Variants in CNOT7 observed in about 807,000 individuals in gnomAD.
The protein encoded by CNOT7 is BTG1-binding factor 1.
A neutral mutation model predicts 37.1 loss-of-function variants in CNOT7; 4 were observed. The ratio of observed to expected loss-of-function variants is 0.11; its 90% CI spans 0.05 to 0.25. The LOEUF is 0.25. Among genes scored for constraint, CNOT7 ranks in the 10% least tolerant of loss-of-function variants. The pLI, the probability that CNOT7 is intolerant of heterozygous loss-of-function variation, is 1.00. For missense variants in CNOT7, 170 were observed against 336.2 expected, an observed-to-expected ratio of 0.51 and a Z score of 3.87; for synonymous variants, 128 against 115.6, an observed-to-expected ratio of 1.11 and a Z score of -0.69.
rs1384001865 is a variant in CNOT7, at chr8:17,227,455, C to G, written c.*3265G>C. 6.6e-6 allele frequency: 1 copy of G among 151,856 alleles called. No homozygotes were observed. The highest frequency in any genetic ancestry group is 1.5e-5 in the Non-Finnish European group (1 of 67,812). The allele number at this position is 151,856 out of a possible 1,614,324, so 9.4% of individuals were successfully genotyped here. A position where few individuals can be genotyped will look rare whatever the true frequency, so the allele number is the denominator to read the frequency against. On this transcript the variant is annotated 3_prime_UTR_variant, in exon 7 of 7. Transcript: ENST00000361272. ...TCATTCTTCAAACTACTGTTCTCAT[C>G]AAAGGGCTGATGTCTTAATTTTCTC...
At chr8:17,243,744 C>T (rs1184285271) in intron 2 of CNOT7, 1 of 424,740 alleles carries the variant, frequency 2.4e-6, no homozygotes, top group Admixed American at 2.6e-5. Context: ...GATGTTATCA[C>T]TTCTCTATGT....
chr8:17,231,846 T>C (rs1808664822), intron 6 of CNOT7: 2 of 985,818 alleles, frequency 2.0e-6, no homozygotes, highest in Non-Finnish European at 1.2e-6. Context: ...CCTAATATGG[T>C]TTCTGATGCA....
chr8:17,229,627 G>C lies in CNOT7; in HGVS notation c.*1093C>G, dbSNP rs1049703475. On this transcript the variant is annotated 3_prime_UTR_variant, in exon 7 of 7. Coordinates refer to ENST00000361272, the MANE Select transcript of CNOT7 (RefSeq NM_013354.7). ...TTACACTCCTCAGGTAATTTTATCAGCTATATATATATATATGAGAATATA... is the reference window on the plus strand; with the variant it reads ...TTACACTCCTCAGGTAATTTTATCACCTATATATATATATATGAGAATATA... 1 of 150,706 alleles carries C rather than the reference G, an allele frequency of 6.6e-6. No individual in the cohort carries two copies. The highest frequency in any genetic ancestry group is 2.4e-5 in the African/African-American group (1 of 40,878). 9.3% of individuals were successfully genotyped at this position (150,706 alleles called of 1,614,324 possible).
chr8:17,235,513 A>T (rs1445685356), intron 4 of CNOT7, among the ~76,000 whole-genome samples: 1 of 152,182 alleles, frequency 6.6e-6, no homozygotes, highest in African/African-American at 2.4e-5. Context: ...TAGTAAAAAA[A>T]TAACTACTCT....
chr8:17,239,535 G>C (rs368984308), intron 3 of CNOT7, among the ~76,000 whole-genome samples: 1 of 152,018 alleles, frequency 6.6e-6, no homozygotes, highest in Non-Finnish European at 1.5e-5. Context: ...TCACTCTGTC[G>C]CCCAGACTGG....
rs1460876462 is a variant in CNOT7 at position 17,228,250 on chromosome 8, AAT to A, written c.*2468_*2469del. On this transcript the variant is annotated 3_prime_UTR_variant, in exon 7 of 7. Transcript: ENST00000361272. ...ACCCTTGCTCTAGTAGATTTAACAG[AAT>A]ATATGAGCCTGTAATTAATTAATGG... is the stretch of plus-strand genomic sequence containing the variant. The A allele has an allele frequency of 6.6e-6, 1 of 151,932 alleles. No individual in the cohort carries two copies. The highest frequency in any genetic ancestry group is 1.5e-5 in the Non-Finnish European group (1 of 67,846). 9.4% of individuals were successfully genotyped at this position (151,932 alleles called of 1,614,324 possible). A position where few individuals can be genotyped will look rare whatever the true frequency, so the allele number is the denominator to read the frequency against.
rs574721548 is a variant in CNOT7, at chr8:17,225,335, T to C, written c.*5385A>G. ...TATGACAATAAAGCAAGAGGGCAGA[T>C]TATATTCATGAATGCTTCTCATATA... On this transcript the variant is annotated 3_prime_UTR_variant, in exon 7 of 7. Transcript: ENST00000361272. The C allele has an allele frequency of 6.6e-6, 1 of 151,806 alleles. No individual in the cohort carries two copies. The highest frequency in any genetic ancestry group is 2.1e-4 in the South Asian group (1 of 4,826). 9.4% of individuals were successfully genotyped at this position (151,806 alleles called of 1,614,324 possible).
intron 4 of CNOT7, 136 bp from the exon 5 acceptor site, chr8:17,234,996 G>C (rs570050680): frequency 3.0e-6 from 2 of 668,484 alleles, no homozygotes; most frequent in East Asian, 5.6e-5. Flanking sequence ...GTGCACACAA[G>C]AACAGAGAAA....
chr8:17,237,236 C>G lies in CNOT7; in HGVS notation c.449G>C (p.Gly150Ala). The G allele has an allele frequency of 6.2e-7, 1 of 1,614,022 alleles. No homozygotes were observed. Among genetic ancestry groups the G allele is most frequent in the Non-Finnish European group, 8.5e-7 (1 of 1,179,982 alleles). The change falls in exon 4 of 7, where the codon GGG becomes GCG. Residue 150 changes from glycine to alanine, a missense_variant. By Grantham distance (60) the Gly-to-Ala change is moderately conservative (BLOSUM62 0). Coordinates refer to ENST00000361272, the MANE Select transcript of CNOT7 (RefSeq NM_013354.7). Reference protein sequence around the residue: ...LMTSGVVLCEGVKWLSFHSGY... With the variant: ...LMTSGVVLCEAVKWLSFHSGY... Reference sequence around the variant, plus strand: ...CCTATGAAATGACAACCATTTGACCCCTTCACAGAGGACCACTCCAGAAGT... The same window carrying G: ...CCTATGAAATGACAACCATTTGACCGCTTCACAGAGGACCACTCCAGAAGT...
chr8:17,242,970 T>C (rs1020400221), intron 3 of CNOT7, 22 bp downstream of exon 3: 2 of 1,537,856 alleles, frequency 1.3e-6, no homozygotes, highest in Non-Finnish European at 8.8e-7. Context: ...AAGTCTGGGT[T>C]ATACAGTTAT....
In CNOT7 at chr8:17,226,693, T is replaced by G. The variant is rs540494118; in HGVS notation, c.*4027A>C. ...TTTGGCAATACAGCGCTGTTTTGAC[T>G]TCTCATAGCACAGAAAGTATATAAA... is the stretch of plus-strand genomic sequence containing the variant. On this transcript the variant is annotated 3_prime_UTR_variant, in exon 7 of 7. Transcript: ENST00000361272. 1.3e-5 allele frequency: 2 copies of G among 151,918 alleles called. No homozygotes were observed. Among genetic ancestry groups the G allele is most frequent in the South Asian group, 4.1e-4 (2 of 4,828 alleles). The allele number at this position is 151,918 out of a possible 1,614,324, so 9.4% of individuals were successfully genotyped here.
intron 3 of CNOT7, among the ~76,000 whole-genome samples, chr8:17,239,145 C>T (rs1281633484): frequency 2.6e-5 from 4 of 152,202 alleles, no homozygotes; most frequent in Non-Finnish European, 4.4e-5. Flanking sequence ...CTTGACCTCC[C>T]GGACTCAAGC....
At chr8:17,235,730 A>G (rs1809264581) in intron 4 of CNOT7, among the ~76,000 whole-genome samples, 1 of 152,176 alleles carries the variant, frequency 6.6e-6, no homozygotes, top group South Asian at 2.1e-4. Flanking sequence ...AGCGCTTAGG[A>G]TTTATAAACT....
chr8:17,239,379 A>G (rs1809825702), intron 3 of CNOT7, among the ~76,000 whole-genome samples: 1 of 151,882 alleles, frequency 6.6e-6, no homozygotes, highest in South Asian at 2.1e-4. Flanking sequence ...GGCACTCTCT[A>G]TCTCCTTCTT....
At position 17,231,480 on chromosome 8, in the gene CNOT7, G is replaced by C. The variant is rs1808596773; in HGVS notation, c.730-632C>G. On this transcript the variant is annotated intron_variant, in intron 6 of 6. Coordinates refer to ENST00000361272, the MANE Select transcript of CNOT7 (RefSeq NM_013354.7). ...ACAAAATATTTACGTGTCATGAATG[G>C]ATAGTCCAAATCACTTCTGAATCAA... 6.9e-5 allele frequency: 67 copies of C among 969,996 alleles called. No homozygotes were observed. In the South Asian group the frequency reaches 2.7e-3, roughly 39 times the overall value. 60.1% of individuals were successfully genotyped at this position (969,996 alleles called of 1,614,324 possible). A position where few individuals can be genotyped will look rare whatever the true frequency, so the allele number is the denominator to read the frequency against.
chr8:17,234,931 C>G (rs1809141910), intron 4 of CNOT7, 71 bp from the exon 5 acceptor site: 5 of 1,406,370 alleles, frequency 3.6e-6, no homozygotes, highest in Non-Finnish European at 4.8e-6. Context: ...AAAAGTTTTT[C>G]TGATTCAAAT....
intron 4 of CNOT7, among the ~76,000 whole-genome samples, chr8:17,235,122 A>AT (rs1809175453): frequency 6.6e-6 from 1 of 152,186 alleles, no homozygotes; most frequent in African/African-American, 2.4e-5. Flanking sequence ...GCCTATGGTC[A>AT]ATAAAATACT....
intron 6 of CNOT7, among the ~76,000 whole-genome samples, chr8:17,231,268 T>C (rs888081436): frequency 3.9e-5 from 6 of 152,112 alleles, no homozygotes; most frequent in African/African-American, 9.6e-5. Context: ...CATAAAGTCA[T>C]GGACAGTAAA....
chr8:17,231,433 A>C, intron 6 of CNOT7: 1 of 679,556 alleles, frequency 1.5e-6, no homozygotes, highest in African/African-American at 2.0e-5. Context: ...TTATCTAATG[A>C]AACAATTGGA....
Sources: gnomAD v4.1 joint callset for allele counts (sites outside exome capture counted in the v4.1 genomes callset) on GRCh38, gnomAD v4.1.1 for gene constraint, MANE v1.5 for transcripts, NCBI Gene and HGNC (gene_info 2026-07-23, HGNC 2026-07-21) for gene names.